Variants in GNA12 observed in about 807,000 individuals in gnomAD.
The protein encoded by GNA12 is G protein subunit alpha 12.
A neutral mutation model predicts 26.0 loss-of-function variants in GNA12; 9 were observed. That is an observed-to-expected ratio of 0.35 (90% CI 0.21 to 0.60). GNA12 has a LOEUF of 0.60. GNA12 is among the 20% of genes least tolerant of loss of function. The pLI is 0.78. For synonymous variants in GNA12, 264 were observed against 219.6 expected, an observed-to-expected ratio of 1.20 and a Z score of -1.79; for missense variants, 405 against 525.8, an observed-to-expected ratio of 0.77 and a Z score of 2.25.
In GNA12 at chr7:2,781,155, T is replaced by C. The variant is rs118059764; in HGVS notation, c.525+13773A>G. Among the ~76,000 whole-genome samples, 498 of 152,356 alleles carry C rather than the reference T, an allele frequency of 3.3e-3. 1 individual carries two copies. Among genetic ancestry groups the C allele is most frequent in the Admixed American group, 5.4e-3 (82 of 15,304 alleles). ...TACTCACACCTTTGTAGGTTACAGATAGCAAATGACTTCACTGTCACAGCT... is the reference window on the plus strand; with the variant it reads ...TACTCACACCTTTGTAGGTTACAGACAGCAAATGACTTCACTGTCACAGCT... On this transcript the variant is annotated intron_variant, in intron 2 of 3. Transcript: ENST00000275364.
intron 1 of GNA12, among the ~76,000 whole-genome samples, chr7:2,826,163 G>C (rs563437647): frequency 6.6e-6 from 1 of 152,104 alleles, no homozygotes; most frequent in South Asian, 2.1e-4. Context: ...CAGATCACGA[G>C]GTCAGGAGTT....
chr7:2,842,803 G>C (rs1284572765), intron 1 of GNA12, among the ~76,000 whole-genome samples: 1 of 152,138 alleles, frequency 6.6e-6, no homozygotes, highest in African/African-American at 2.4e-5. Flanking sequence ...GTTTTTACAT[G>C]GAGGCCTCAT....
chr7:2,750,660 G>T (rs1790988350), intron 2 of GNA12, among the ~76,000 whole-genome samples: 1 of 152,176 alleles, frequency 6.6e-6, no homozygotes, highest in South Asian at 2.1e-4. Context: ...TTGACTGCGG[G>T]TAACTGAAAC....
At chr7:2,828,842 G>A (rs1450447988) in intron 1 of GNA12, among the ~76,000 whole-genome samples, 1 of 152,180 alleles carries the variant, frequency 6.6e-6, no homozygotes, top group African/African-American at 2.4e-5. Flanking sequence ...GGTTGCTTGA[G>A]CTCAGGAGTT....
At chr7:2,801,818 T>G (rs1453736548) in intron 1 of GNA12, among the ~76,000 whole-genome samples, 1 of 152,214 alleles carries the variant, frequency 6.6e-6, no homozygotes, top group Admixed American at 6.5e-5. Context: ...AGTTTTCTAC[T>G]TGGGGACATT....
intron 2 of GNA12, among the ~76,000 whole-genome samples, chr7:2,761,157 C>T (rs1057426125): frequency 2.0e-5 from 3 of 152,196 alleles, no homozygotes; most frequent in Non-Finnish European, 4.4e-5. Flanking sequence ...GAGACAACCA[C>T]GGCCGCCTCA....
rs1209952770 is a variant in GNA12 at position 2,728,130 on chromosome 7, AATTT to A, written c.*3047_*3050del. ...TTTTATATTAAGCAAAGAAAGACTA[AATTT>A]ATTTTAATAAACATTCAGAGGCTGA... On this transcript the variant is annotated 3_prime_UTR_variant, in exon 4 of 4. Transcript: ENST00000275364. 5 of 152,258 alleles carry A rather than the reference AATTT, an allele frequency of 3.3e-5. No homozygotes were observed. The highest frequency in any genetic ancestry group is 1.2e-4 in the African/African-American group (5 of 41,414). The allele number at this position is 152,258 out of a possible 1,614,324, so 9.4% of individuals were successfully genotyped here.
In GNA12 at chr7:2,795,092, A is replaced by G. The variant is rs145512130; in HGVS notation, c.361T>C (p.Tyr121His). 3.1e-4 allele frequency: 505 copies of G among 1,613,848 alleles called. No individual in the cohort carries two copies. The highest frequency in any genetic ancestry group is 4.9e-4 in the Middle Eastern group (3 of 6,084). ...ARDKLGIPWQ[Y>H]SENEKHGMFL... is the part of the protein sequence containing the mutation. ...ATCCCATGCTTCTCATTTTCAGAATACTGCCAAGGAATGCCAAGCTTATCT... is the reference window on the plus strand; with the variant it reads ...ATCCCATGCTTCTCATTTTCAGAATGCTGCCAAGGAATGCCAAGCTTATCT... Residue 121 changes from tyrosine to histidine, a missense_variant, in exon 2 of 4, where the codon TAT becomes CAT. Tyr to His is a moderately conservative substitution (Grantham distance 83, BLOSUM62 2). Transcript: ENST00000275364.
chr7:2,791,402 T>A (rs1382999005), intron 2 of GNA12, among the ~76,000 whole-genome samples: 1 of 152,232 alleles, frequency 6.6e-6, no homozygotes, highest in East Asian at 1.9e-4. Context: ...AGGGAAGATT[T>A]CCATCCCCCA....
Position 2,844,208 on chromosome 7 carries a change from G to A in GNA12, c.-47C>T. The A allele has an allele frequency of 1.1e-6, 1 of 925,864 alleles. No individual in the cohort carries two copies. The highest frequency in any genetic ancestry group is 1.3e-6 in the Non-Finnish European group (1 of 778,130). The allele number at this position is 925,864 out of a possible 1,614,324, so 57.4% of individuals were successfully genotyped here. A position where few individuals can be genotyped will look rare whatever the true frequency, so the allele number is the denominator to read the frequency against. ...GCCCCGCCGGCGCCCGGGGGCCATG[G>A]ACGCTCCCGCCGGCGAGGGCGAGCC... On this transcript the variant is annotated 5_prime_UTR_variant, in exon 1 of 4. Transcript: ENST00000275364.
chr7:2,741,356 TA>T (rs35580979), intron 2 of GNA12, among the ~76,000 whole-genome samples: 1 of 151,700 alleles, frequency 6.6e-6, no homozygotes, highest in Non-Finnish European at 1.5e-5. Flanking sequence ...CACTGTCTCT[TA>T]AAAAAAACCC....
At chr7:2,753,085 A>T (rs1403828551) in intron 2 of GNA12, among the ~76,000 whole-genome samples, 1 of 151,976 alleles carries the variant, frequency 6.6e-6, no homozygotes, top group Non-Finnish European at 1.5e-5. Flanking sequence ...ATAGTCACTG[A>T]TCTGTTTTCT....
intron 1 of GNA12, among the ~76,000 whole-genome samples, chr7:2,834,977 A>G (rs768832701): frequency 6.6e-6 from 1 of 151,574 alleles, no homozygotes; most frequent in Non-Finnish European, 1.5e-5. Context: ...ATGACTATAC[A>G]TTGCGATGCG....
intron 2 of GNA12, among the ~76,000 whole-genome samples, chr7:2,769,592 G>A (rs1033926311): frequency 6.6e-6 from 1 of 152,046 alleles, no homozygotes; most frequent in Non-Finnish European, 1.5e-5. Context: ...AATTAGCCGG[G>A]CGTGGTGGCA....
At chr7:2,754,828 G>A (rs1454545173) in intron 2 of GNA12, among the ~76,000 whole-genome samples, 1 of 152,140 alleles carries the variant, frequency 6.6e-6, no homozygotes, top group Non-Finnish European at 1.5e-5. Context: ...TGATTTCAAC[G>A]GATCACTAGG....
At chr7:2,834,502 C>T (rs1778772744) in intron 1 of GNA12, among the ~76,000 whole-genome samples, 1 of 152,182 alleles carries the variant, frequency 6.6e-6, no homozygotes, top group Non-Finnish European at 1.5e-5. Flanking sequence ...CACTGAATAT[C>T]CCTTCTGCAT....
intron 1 of GNA12, among the ~76,000 whole-genome samples, chr7:2,806,159 C>G (rs1450608031): frequency 6.6e-6 from 1 of 152,188 alleles, no homozygotes; most frequent in Non-Finnish European, 1.5e-5. Flanking sequence ...TATTGGACAG[C>G]ATTGCTGTAG....
chr7:2,756,653 T>A (rs1325358165), intron 2 of GNA12, among the ~76,000 whole-genome samples: 1 of 152,148 alleles, frequency 6.6e-6, no homozygotes, highest in Non-Finnish European at 1.5e-5. Context: ...ATCTGTGTGA[T>A]CTTGGGTTAG....
intron 1 of GNA12, among the ~76,000 whole-genome samples, chr7:2,842,117 G>GA (rs1562454108): frequency 6.9e-6 from 1 of 144,596 alleles, no homozygotes; most frequent in African/African-American, 2.8e-5. Flanking sequence ...GAAGGGAAGG[G>GA]AGGAAGAAAA....
Sources: gnomAD v4.1 joint callset for allele counts (sites outside exome capture counted in the v4.1 genomes callset) on GRCh38, gnomAD v4.1.1 for gene constraint, MANE v1.5 for transcripts, NCBI Gene and HGNC (gene_info 2026-07-23, HGNC 2026-07-21) for gene names.